The following GNAI1 variants were observed in gnomAD, a reference collection of about 807,000 sequenced individuals.
The protein encoded by GNAI1 is G protein subunit alpha i1.
Under a neutral mutation model 38.9 loss-of-function variants are expected in GNAI1, and 11 were observed. The observed-to-expected ratio is 0.28, with a 90% CI of 0.18 to 0.47. The LOEUF (loss-of-function observed/expected upper bound fraction) is 0.47, where lower values mean the gene tolerates loss of function less well. GNAI1 is among the 20% of genes least tolerant of loss of function. The probability of loss-of-function intolerance (pLI) is 0.99; values close to 1 mark genes in which losing one functional copy is unlikely to be tolerated. For synonymous variants in GNAI1, 166 were observed against 145.1 expected (o/e 1.14, Z -1.04); for missense variants, 317 against 436.9 (o/e 0.73, Z 2.45).
At position 80,217,198 on chromosome 7, in the gene GNAI1, C is replaced by CTGTATGAAACTGACGTCAGTTTCATA. The variant is rs1554353760; in HGVS notation, c.875-91_875-90insGTCAGTTTCATATGTATGAAACTGAC. ...ACAGTTAAGGAGTCCATGAATGAAA[C>CTGTATGAAACTGACGTCAGTTTCATA]TGTATGAAACTGACTTCAGTTTCAT... is the stretch of plus-strand genomic sequence containing the variant. On this transcript the variant is annotated intron_variant, in intron 7 of 7. Transcript: ENST00000649796. 4.2e-5 allele frequency: 20 copies of CTGTATGAAACTGACGTCAGTTTCATA among 479,340 alleles called. No homozygotes were observed. The East Asian group carries it at 4.3e-4, about 10-fold the overall frequency. The allele number at this position is 479,340 out of a possible 1,614,324, so 29.7% of individuals were successfully genotyped here. A position where few individuals can be genotyped will look rare whatever the true frequency, so the allele number is the denominator to read the frequency against.
chr7:80,183,302 T>G, intron 1 of GNAI1, among the ~76,000 whole-genome samples: 1 of 152,206 alleles, frequency 6.6e-6, no homozygotes, highest in East Asian at 1.9e-4. Flanking sequence ...TTTATCTACT[T>G]CTGTCTTAAA....
chr7:80,148,872 C>T (rs2116093216), intron 1 of GNAI1, among the ~76,000 whole-genome samples: 1 of 152,130 alleles, frequency 6.6e-6, no homozygotes, highest in African/African-American at 2.4e-5. Context: ...TTATAACTTC[C>T]TTGTAATATA....
rs1270182152 is a variant in GNAI1 at position 80,159,373 on chromosome 7, G to A, written c.118+24095G>A. 4.6e-5 allele frequency among the ~76,000 whole-genome samples: 7 copies of A among 152,174 alleles called. No homozygotes were observed. The South Asian group carries it at 8.3e-4, about 18-fold the overall frequency. ...ATACCCTGTAGCCCCACCTTGAGAGGTGTCTAGAAAAGCCTCATTTCTAGG... is the reference window on the plus strand; with the variant it reads ...ATACCCTGTAGCCCCACCTTGAGAGATGTCTAGAAAAGCCTCATTTCTAGG... On this transcript the variant is annotated intron_variant, in intron 1 of 7. Coordinates refer to ENST00000649796, the MANE Select transcript of GNAI1 (RefSeq NM_002069.6).
chr7:80,152,040 A>C (rs912642865), intron 1 of GNAI1, among the ~76,000 whole-genome samples: 2 of 152,050 alleles, frequency 1.3e-5, no homozygotes, highest in Non-Finnish European at 2.9e-5. Flanking sequence ...GCCTCTTTTC[A>C]GTTTTTTAGT....
rs1449796346 is a variant in GNAI1 at position 80,224,846 on chromosome 7, A to G, written c.*7353A>G. 6.6e-6 allele frequency among the ~76,000 whole-genome samples: 1 copy of G among 152,182 alleles called. No individual in the cohort carries two copies. Among genetic ancestry groups the G allele is most frequent in the Non-Finnish European group, 1.5e-5 (1 of 68,020 alleles). The stretch of plus-strand genomic sequence containing the variant: ...ATTACATGTTGAACTGATTTGTGAT[A>G]TATTGGGTTATATAATTTTAAAATT... On this transcript the variant is annotated 3_prime_UTR_variant, in exon 8 of 8. Transcript: ENST00000649796.
chr7:80,210,926 T>G (rs1039422531), intron 5 of GNAI1, 43 bp from the exon 6 acceptor site: 23 of 1,584,258 alleles, frequency 1.5e-5, no homozygotes, highest in Non-Finnish European at 2.0e-5. Context: ...TCAGAGCTTT[T>G]TGAACATTTA....
At chr7:80,184,649 A>G (rs570390173) in intron 1 of GNAI1, among the ~76,000 whole-genome samples, 8 of 152,216 alleles carry the variant, frequency 5.3e-5, no homozygotes, top group African/African-American at 1.9e-4. Context: ...ATCTATATGG[A>G]GACTGCCTTT....
rs955315115 is a variant in GNAI1, at chr7:80,224,112, C to A, written c.*6619C>A. On this transcript the variant is annotated 3_prime_UTR_variant, in exon 8 of 8. Coordinates refer to ENST00000649796, the MANE Select transcript of GNAI1 (RefSeq NM_002069.6). The stretch of plus-strand genomic sequence containing the variant: ...AAATGTACTCATATAGTAAGATTTA[C>A]TCAAAACCACGAACTCCTCCATTAT... Among the ~76,000 whole-genome samples the A allele has an allele frequency of 6.6e-6, 1 of 152,132 alleles. No individual in the cohort carries two copies. The highest frequency in any genetic ancestry group is 1.9e-4 in the East Asian group (1 of 5,194).
At chr7:80,172,153 A>G (rs1184603311) in intron 1 of GNAI1, among the ~76,000 whole-genome samples, 1 of 152,186 alleles carries the variant, frequency 6.6e-6, no homozygotes, top group Non-Finnish European at 1.5e-5. Flanking sequence ...ATGTCTATGA[A>G]ATAGTTCATT....
chr7:80,203,079 T>C (rs1465783959), intron 4 of GNAI1, among the ~76,000 whole-genome samples: 2 of 152,222 alleles, frequency 1.3e-5, no homozygotes, highest in African/African-American at 4.8e-5. Flanking sequence ...CATGGTATGA[T>C]ACTACTACAT....
At chr7:80,173,299 T>C (rs1314534754) in intron 1 of GNAI1, among the ~76,000 whole-genome samples, 1 of 152,196 alleles carries the variant, frequency 6.6e-6, no homozygotes, top group Non-Finnish European at 1.5e-5. Context: ...TTTTAAATTA[T>C]GCTTAGAAAC....
intron 1 of GNAI1, among the ~76,000 whole-genome samples, chr7:80,181,642 G>C (rs140788144): frequency 1.4e-3 from 219 of 152,256 alleles, no homozygotes; most frequent in African/African-American, 5.2e-3. Context: ...CTTTTGTCCT[G>C]CCTTTCTAGG....
intron 5 of GNAI1, among the ~76,000 whole-genome samples, chr7:80,204,149 A>G (rs1417035251): frequency 2.4e-5 from 3 of 125,764 alleles, no homozygotes; most frequent in Non-Finnish European, 5.6e-5. Flanking sequence ...GTGTTTTCGG[A>G]AAGTGTTGCC....
intron 4 of GNAI1, among the ~76,000 whole-genome samples, chr7:80,199,800 A>C (rs1489011921): frequency 6.6e-6 from 1 of 152,190 alleles, no homozygotes; most frequent in South Asian, 2.1e-4. Flanking sequence ...GTCCAATGAC[A>C]GGTACTGTAA....
At chr7:80,199,482 C>A in intron 4 of GNAI1, 100 bp downstream of exon 4, 2 of 826,704 alleles carry the variant, frequency 2.4e-6, no homozygotes, top group Non-Finnish European at 3.8e-6. Context: ...CTGACACATT[C>A]TTGTACAACT....
intron 1 of GNAI1, among the ~76,000 whole-genome samples, chr7:80,159,810 T>G (rs1787887395): frequency 6.6e-6 from 1 of 152,180 alleles, no homozygotes; most frequent in African/African-American, 2.4e-5. Flanking sequence ...GTAGTGTGAT[T>G]GTGGCACATT....
chr7:80,137,559 A>G (rs936905287), intron 1 of GNAI1, among the ~76,000 whole-genome samples: 11 of 151,910 alleles, frequency 7.2e-5, no homozygotes, highest in African/African-American at 2.7e-4. Context: ...ACCTCAGGTG[A>G]TCCGCCCGCC....
chr7:80,138,811 C>T (rs1320907607), intron 1 of GNAI1, among the ~76,000 whole-genome samples: 2 of 152,058 alleles, frequency 1.3e-5, no homozygotes, highest in Non-Finnish European at 2.9e-5. Context: ...AATTCCACAC[C>T]CTTGTCTCCT....
chr7:80,223,463 T>G lies in GNAI1; in HGVS notation c.*5970T>G, dbSNP rs1275926978. Reference sequence around the variant, plus strand: ...TCTGTTGTGCACTCTTGAATTTTAATTATGTTCTGTGGAAACTTCACAGAG... The same window carrying G: ...TCTGTTGTGCACTCTTGAATTTTAAGTATGTTCTGTGGAAACTTCACAGAG... On this transcript the variant is annotated 3_prime_UTR_variant, in exon 8 of 8. Transcript: ENST00000649796. 6.6e-6 allele frequency among the ~76,000 whole-genome samples: 1 copy of G among 152,232 alleles called. No individual in the cohort carries two copies. The highest frequency in any genetic ancestry group is 2.4e-5 in the African/African-American group (1 of 41,466).
Sources: gnomAD v4.1 joint callset for allele counts (sites outside exome capture counted in the v4.1 genomes callset) on GRCh38, gnomAD v4.1.1 for gene constraint, MANE v1.5 for transcripts, NCBI Gene and HGNC (gene_info 2026-07-23, HGNC 2026-07-21) for gene names.